SORBS2: variants seen among roughly 807,000 people sequenced by gnomAD.
SORBS2 encodes the protein sorbin and SH3 domain-containing protein 2.
A neutral mutation model predicts 97.7 loss-of-function variants in SORBS2; 46 were observed. That is an observed-to-expected ratio of 0.47 (90% CI 0.37 to 0.60). The LOEUF is 0.60. Ranked by LOEUF, SORBS2 falls within the 20% of genes least tolerant of loss-of-function variation. The probability of loss-of-function intolerance (pLI) is 0.00; values close to 1 mark genes in which losing one functional copy is unlikely to be tolerated. For missense variants in SORBS2, 1,316 were observed against 1,282.3 expected, an observed-to-expected ratio of 1.03 and a Z score of -0.40; for synonymous variants, 476 against 473.4, an observed-to-expected ratio of 1.01 and a Z score of -0.07.
At chr4:185,634,894 T>C (rs2153437962) in intron 4 of SORBS2, among the ~76,000 whole-genome samples, 1 of 152,230 alleles carries the variant, frequency 6.6e-6, no homozygotes, top group Middle Eastern at 3.4e-3. Context: ...ATACAATCCG[T>C]AAGTTGTATT....
chr4:185,644,432 T>A (rs897338663), intron 4 of SORBS2, among the ~76,000 whole-genome samples: 8 of 152,184 alleles, frequency 5.3e-5, no homozygotes, highest in African/African-American at 1.9e-4. Flanking sequence ...AATAAATTAA[T>A]TTATACTGCA....
rs2096426135 is a variant in SORBS2, at chr4:185,606,610, C to T, written c.2796+5170G>A. 13 of 985,192 alleles carry T rather than the reference C, an allele frequency of 1.3e-5. No individual in the cohort carries two copies. The highest frequency in any genetic ancestry group is 1.4e-5 in the Non-Finnish European group (12 of 829,918). The allele number at this position is 985,192 out of a possible 1,614,324, so 61.0% of individuals were successfully genotyped here. ...CTCATTACTGGGTTTTGCTGCATTG[C>T]TGTCCTCCTTGGGGGTCCTAGGATC... On this transcript the variant is annotated intron_variant, in intron 12 of 14. Coordinates refer to ENST00000418609, the Ensembl canonical transcript of SORBS2. This position sits in a 1 kb window ranked among gnomAD's most constrained non-coding sequence, Gnocchi z 4.3.
intron 1 of SORBS2, among the ~76,000 whole-genome samples, chr4:185,908,611 A>G (rs1425748187): frequency 6.6e-6 from 1 of 151,912 alleles, no homozygotes; most frequent in Non-Finnish European, 1.5e-5. Flanking sequence ...ATGATTCTGA[A>G]GCTGTACTGT....
chr4:185,778,593 T>G (rs2099011789), intron 1 of SORBS2, among the ~76,000 whole-genome samples: 1 of 152,068 alleles, frequency 6.6e-6, no homozygotes. Flanking sequence ...AAGGTAAACT[T>G]TTACAAACAC....
intron 2 of SORBS2, among the ~76,000 whole-genome samples, chr4:185,721,048 G>A (rs1375872604): frequency 6.8e-6 from 1 of 147,074 alleles, no homozygotes; most frequent in Non-Finnish European, 1.5e-5. Flanking sequence ...AAGTACAACT[G>A]TGAGCCACTT....
At chr4:185,924,866 G>A (rs888039183) in intron 1 of SORBS2, among the ~76,000 whole-genome samples, 3 of 151,746 alleles carry the variant, frequency 2.0e-5, no homozygotes, top group African/African-American at 4.8e-5. Flanking sequence ...TAAACTTTTC[G>A]CTCCATGAAA....
At chr4:185,714,756 G>C (rs2098451778) in intron 2 of SORBS2, among the ~76,000 whole-genome samples, 1 of 152,126 alleles carries the variant, frequency 6.6e-6, no homozygotes, top group Non-Finnish European at 1.5e-5. Flanking sequence ...AGATCTCGTA[G>C]ATGTATTCAC....
intron 2 of SORBS2, chr4:185,774,249 CAG>C (rs1358505792): frequency 2.6e-5 from 4 of 152,318 alleles, no homozygotes; most frequent in African/African-American, 9.6e-5. Context: ...ATCTGCCAGA[CAG>C]GGGCCATGAA....
chr4:185,695,116 A>G (rs2098157981), intron 2 of SORBS2, among the ~76,000 whole-genome samples: 1 of 152,146 alleles, frequency 6.6e-6, no homozygotes, highest in Non-Finnish European at 1.5e-5. Flanking sequence ...AACTTTTGAA[A>G]GAGGATCCTA....
chr4:185,689,843 G>T (rs916392082), intron 2 of SORBS2, among the ~76,000 whole-genome samples: 5 of 152,170 alleles, frequency 3.3e-5, no homozygotes, highest in Non-Finnish European at 7.3e-5. Context: ...GATAGGAAAT[G>T]GTATCGTTTA....
Position 185,879,240 on chromosome 4 carries a change from A to G in SORBS2, c.-338+76956T>C, listed in dbSNP as rs533416367. Among the ~76,000 whole-genome samples the G allele has an allele frequency of 4.8e-3, 661 of 137,504 alleles. 6 individuals carry two copies. The highest frequency in any genetic ancestry group is 0.018 in the African/African-American group (624 of 35,504). The allele number at this position is 137,504 out of a possible 152,430, so 90.2% of individuals were successfully genotyped here. ...TGTGTCCATGTGTTCTCATTGTTCA[A>G]TTCCCACCTATGAGTGAGAACATGC... On this transcript the variant is annotated intron_variant, in intron 1 of 20. Transcript: ENST00000284776.
rs779696581 is a variant in SORBS2 at position 185,587,705 on chromosome 4, G to A, written c.2954-17C>T. The A allele has an allele frequency of 1.3e-6, 2 of 1,598,300 alleles. No individual in the cohort carries two copies. The highest frequency in any genetic ancestry group is 1.1e-5 in the South Asian group (1 of 90,348). ...TTGAGGTCCCTGAAAATAGAAGCGA[G>A]TCATGAAAGGGGGGTGACAACGATA... is the stretch of plus-strand genomic sequence containing the variant. On this transcript the variant is annotated splice_polypyrimidine_tract_variant and intron_variant, in intron 14 of 14. Transcript: ENST00000418609.
intron 2 of SORBS2, among the ~76,000 whole-genome samples, chr4:185,650,488 C>CAAAT (rs1220549651): frequency 6.6e-6 from 1 of 152,162 alleles, no homozygotes; most frequent in East Asian, 1.9e-4. Flanking sequence ...GTCCACTGAT[C>CAAAT]AAATGATCAG....
At chr4:185,718,136 C>T (rs996339559) in intron 2 of SORBS2, among the ~76,000 whole-genome samples, 8 of 151,912 alleles carry the variant, frequency 5.3e-5, no homozygotes, top group African/African-American at 1.9e-4. Context: ...GAGGCTGAGG[C>T]AGGAGAATCG....
intron 2 of SORBS2, among the ~76,000 whole-genome samples, chr4:185,706,651 A>C (rs779295992): frequency 6.6e-6 from 1 of 152,088 alleles, no homozygotes; most frequent in Non-Finnish European, 1.5e-5. Flanking sequence ...CCTCAGCTCC[A>C]TGCATTTGAG....
intron 1 of SORBS2, among the ~76,000 whole-genome samples, chr4:185,793,490 A>G (rs1487599969): frequency 6.6e-6 from 1 of 152,254 alleles, no homozygotes; most frequent in Non-Finnish European, 1.5e-5. Context: ...TTTGAGTTTT[A>G]AGTTGGACTT....
chr4:185,879,108 G>C (rs1248421528), intron 1 of SORBS2, among the ~76,000 whole-genome samples: 2 of 150,340 alleles, frequency 1.3e-5, no homozygotes, highest in Admixed American at 6.6e-5. Context: ...TGCCATGTTG[G>C]TGTGCTGCAC....
At chr4:185,794,813 C>G (rs752711494) in intron 1 of SORBS2, among the ~76,000 whole-genome samples, 7 of 150,378 alleles carry the variant, frequency 4.7e-5, no homozygotes, top group Non-Finnish European at 1.0e-4. Flanking sequence ...GGTGTCTGAG[C>G]ATGATTGAAG....
chr4:185,780,611 T>C (rs989144069), intron 1 of SORBS2, among the ~76,000 whole-genome samples: 2 of 152,252 alleles, frequency 1.3e-5, no homozygotes, highest in Non-Finnish European at 2.9e-5. Context: ...CTTAAACCTA[T>C]GCTTTCTCTT....
Sources: allele counts gnomAD v4.1 joint callset (sites outside exome capture counted in the v4.1 genomes callset), GRCh38; gene constraint gnomAD v4.1.1; non-coding constraint Gnocchi (gnomAD v3.1); transcripts MANE v1.5; gene names NCBI Gene and HGNC (gene_info 2026-07-23, HGNC 2026-07-21).